The following CADPS2 variants were observed in gnomAD, a reference collection of about 807,000 sequenced individuals.
The protein encoded by CADPS2 is calcium dependent secretion activator 2, also known as calcium-dependent secretion activator 2.
A neutral mutation model predicts 172.5 loss-of-function variants in CADPS2; 93 were observed. The ratio of observed to expected loss-of-function variants is 0.54; its 90% CI spans 0.46 to 0.64. The LOEUF (loss-of-function observed/expected upper bound fraction) is 0.64, where lower values mean the gene tolerates loss of function less well. Among genes scored for constraint, CADPS2 ranks in the 30% least tolerant of loss-of-function variants. CADPS2 has a pLI of 0.00. For missense variants in CADPS2, 1,420 were observed against 1,565.9 expected (o/e 0.91, Z 1.57); for synonymous variants, 546 against 555.2 (o/e 0.98, Z 0.23).
At chr7:122,499,908 AC>A (rs2059056565) in intron 9 of CADPS2, among the ~76,000 whole-genome samples, 1 of 152,194 alleles carries the variant, frequency 6.6e-6, no homozygotes, top group Admixed American at 6.5e-5. Context: ...AAAAAAAGTC[AC>A]CTGACACATC....
At chr7:122,419,587 G>T (rs13247049) in intron 17 of CADPS2, among the ~76,000 whole-genome samples, 2 of 151,772 alleles carry the variant, frequency 1.3e-5, no homozygotes, top group Non-Finnish European at 2.9e-5. Flanking sequence ...GAGAAAGACC[G>T]TATCTTTCAT....
At chr7:122,517,809 CTGGAATGTGGA>C (rs1283977931) in intron 8 of CADPS2, among the ~76,000 whole-genome samples, 1 of 151,844 alleles carries the variant, frequency 6.6e-6, no homozygotes, top group African/African-American at 2.4e-5. Flanking sequence ...CTCAGAAGGG[CTGGAATGTGGA>C]GGGAATGAGG....
chr7:122,717,350 A>AT (rs1433199302), intron 2 of CADPS2, among the ~76,000 whole-genome samples: 1 of 152,178 alleles, frequency 6.6e-6, no homozygotes, highest in Non-Finnish European at 1.5e-5. Flanking sequence ...GTAAAAACAC[A>AT]TAAAAACCAG....
intron 7 of CADPS2, among the ~76,000 whole-genome samples, chr7:122,565,119 T>G (rs73433772): frequency 0.028 from 4,224 of 151,898 alleles, 72 homozygotes; most frequent in South Asian, 0.054. Context: ...AATTACTTAC[T>G]CGATATGATG....
chr7:122,399,625 A>G (rs937687930), intron 20 of CADPS2, among the ~76,000 whole-genome samples: 39 of 138,086 alleles, frequency 2.8e-4, no homozygotes, highest in Non-Finnish European at 4.7e-4. Flanking sequence ...GAGTACAGCT[A>G]TATCATGATC....
chr7:122,711,381 T>C (rs2088688483), intron 2 of CADPS2, among the ~76,000 whole-genome samples: 1 of 152,132 alleles, frequency 6.6e-6, no homozygotes, highest in Non-Finnish European at 1.5e-5. Context: ...TCTACAACTA[T>C]ATATCAGGTC....
chr7:122,533,769 T>C (rs1027502356), intron 8 of CADPS2, among the ~76,000 whole-genome samples: 1 of 152,154 alleles, frequency 6.6e-6, no homozygotes, highest in African/African-American at 2.4e-5. Context: ...TCAAAAATTA[T>C]GGCTGGAAGT....
chr7:122,427,848 T>C (rs1270830123), intron 17 of CADPS2, among the ~76,000 whole-genome samples: 2 of 152,218 alleles, frequency 1.3e-5, no homozygotes, highest in Admixed American at 1.3e-4. Flanking sequence ...AATTTATACA[T>C]TAATTTGAGG....
intron 28 of CADPS2, among the ~76,000 whole-genome samples, chr7:122,327,324 A>G (rs1414670174): frequency 6.6e-6 from 1 of 152,150 alleles, no homozygotes; most frequent in African/African-American, 2.4e-5. Context: ...ATATGAGTAC[A>G]GTCAATTGAG....
chr7:122,808,716 C>G (rs936515589), intron 1 of CADPS2, among the ~76,000 whole-genome samples: 3 of 152,142 alleles, frequency 2.0e-5, no homozygotes, highest in Admixed American at 2.0e-4. Flanking sequence ...CAATAATGTT[C>G]TGCTTCAATA....
At chr7:122,789,539 T>C (rs1416719161) in intron 1 of CADPS2, among the ~76,000 whole-genome samples, 1 of 152,210 alleles carries the variant, frequency 6.6e-6, no homozygotes, top group Non-Finnish European at 1.5e-5. Context: ...AAAACATCTT[T>C]AGTTCCCAAA....
chr7:122,738,278 C>T (rs2092288062), intron 1 of CADPS2, among the ~76,000 whole-genome samples: 2 of 152,040 alleles, frequency 1.3e-5, no homozygotes, highest in Admixed American at 6.6e-5. Context: ...TTCAAGACGG[C>T]AGGAACAGAG....
intron 8 of CADPS2, among the ~76,000 whole-genome samples, chr7:122,540,933 C>T (rs1383953656): frequency 6.6e-6 from 1 of 151,872 alleles, no homozygotes; most frequent in Non-Finnish European, 1.5e-5. Flanking sequence ...ATTTTTAACC[C>T]ATTTATTCAT....
chr7:122,603,537 G>T (rs1011580576), intron 6 of CADPS2, among the ~76,000 whole-genome samples: 3 of 151,322 alleles, frequency 2.0e-5, no homozygotes, highest in Non-Finnish European at 4.4e-5. Flanking sequence ...AGAATATAAC[G>T]ATTGGGTGTT....
At chr7:122,690,817 T>C (rs1447172950) in intron 2 of CADPS2, among the ~76,000 whole-genome samples, 3 of 152,198 alleles carry the variant, frequency 2.0e-5, no homozygotes, top group African/African-American at 7.2e-5. Flanking sequence ...GTTTAGCTCA[T>C]TAGCTACTTT....
intron 9 of CADPS2, among the ~76,000 whole-genome samples, chr7:122,498,094 T>C (rs1054449545): frequency 9.9e-5 from 15 of 152,068 alleles, no homozygotes. Flanking sequence ...ATTACAGGCA[T>C]TTGCCACCAG....
rs1327673078 is a variant in CADPS2 at position 122,607,525 on chromosome 7, A to G, written c.1223+7656T>C. 2.0e-5 allele frequency among the ~76,000 whole-genome samples: 3 copies of G among 152,198 alleles called. 1 individual carries two copies. Among genetic ancestry groups the G allele is most frequent in the Non-Finnish European group, 4.4e-5 (3 of 68,032 alleles). On this transcript the variant is annotated intron_variant, in intron 6 of 29. Coordinates refer to ENST00000449022, the MANE Select transcript of CADPS2 (RefSeq NM_017954.11). ...ATAAGGGGACGTGATTTCAAGCTGTAAATCAACAACAAATACTACTAATCA... is the reference window on the plus strand; with the variant it reads ...ATAAGGGGACGTGATTTCAAGCTGTGAATCAACAACAAATACTACTAATCA...
At chr7:122,642,548 CTTT>C (rs10717947) in intron 3 of CADPS2, among the ~76,000 whole-genome samples, 74,568 of 146,098 alleles carry the variant, frequency 0.51, 19,103 homozygotes, top group East Asian at 0.68. Flanking sequence ...CACCCAACAG[CTTT>C]TTTTTTTTTT....
intron 6 of CADPS2, among the ~76,000 whole-genome samples, chr7:122,611,086 T>C (rs1402806062): frequency 6.6e-6 from 1 of 152,162 alleles, no homozygotes; most frequent in Non-Finnish European, 1.5e-5. Context: ...GGGAAATTTA[T>C]AGCTGCAATT....
Sources: allele counts gnomAD v4.1 joint callset (sites outside exome capture counted in the v4.1 genomes callset), GRCh38; gene constraint gnomAD v4.1.1; transcripts MANE v1.5; gene names NCBI Gene and HGNC (gene_info 2026-07-23, HGNC 2026-07-21).